SEMA4D: variants seen among roughly 807,000 people sequenced by gnomAD.
The protein encoded by SEMA4D is semaphorin 4D.
In SEMA4D, 22 loss-of-function variants were observed where a neutral mutation model predicts 74.8. The observed-to-expected ratio is 0.29, with a 90% CI of 0.21 to 0.42. The LOEUF (loss-of-function observed/expected upper bound fraction) is 0.42. Ranked by LOEUF, SEMA4D falls within the 10% of genes least tolerant of loss-of-function variation. SEMA4D has a pLI of 1.00. For synonymous variants in SEMA4D, 445 were observed against 463.7 expected, an observed-to-expected ratio of 0.96 and a Z score of 0.52; for missense variants, 937 against 1,118.4, an observed-to-expected ratio of 0.84 and a Z score of 2.31.
chr9:89,470,532 C>T lies in SEMA4D; in HGVS notation c.-309-14579G>A, dbSNP rs535457462. ...TGGCTGGTGAGACTGTAATATGGTA[C>T]CGCCACACTAGAAAAGACTTGGGCA... is the stretch of plus-strand genomic sequence containing the variant. On this transcript the variant is annotated intron_variant, in intron 1 of 15. Transcript: ENST00000422704. Among the ~76,000 whole-genome samples, 22 of 152,244 alleles carry T rather than the reference C, an allele frequency of 1.4e-4. No individual in the cohort carries two copies. The South Asian group carries it at 4.1e-3, about 29-fold the overall frequency.
intron 2 of SEMA4D, among the ~76,000 whole-genome samples, chr9:89,426,983 C>T (rs898042061): frequency 6.6e-6 from 1 of 152,168 alleles, no homozygotes; most frequent in Non-Finnish European, 1.5e-5. Context: ...CAGCGAGTTC[C>T]CCCTTTGCCA....
rs1029754382 is a variant in SEMA4D at position 89,403,134 on chromosome 9, T to A, written c.107-118A>T. On this transcript the variant is annotated intron_variant, in intron 3 of 15. Transcript: ENST00000422704. ...TGACAATGAGCACGTCTGGGTGCAG[T>A]CATGTCTCGAGGGCCATGTGTTGCT... The A allele has an allele frequency of 2.2e-5, 27 of 1,229,208 alleles. No homozygotes were observed. In the African/African-American group the frequency reaches 4.0e-4, roughly 18 times the overall value. The allele number at this position is 1,229,208 out of a possible 1,614,324, so 76.1% of individuals were successfully genotyped here.
intron 5 of SEMA4D, among the ~76,000 whole-genome samples, chr9:89,397,082 A>AC (rs1383811351): frequency 1.3e-5 from 2 of 151,772 alleles, no homozygotes; most frequent in East Asian, 3.9e-4. Context: ...CCCCAACCCC[A>AC]CCCCTAGGCA....
At chr9:89,413,048 G>A (rs1844877376) in intron 2 of SEMA4D, among the ~76,000 whole-genome samples, 2 of 152,118 alleles carry the variant, frequency 1.3e-5, no homozygotes, top group South Asian at 2.1e-4. Context: ...GGCTTTCTTC[G>A]CCATTTCTGA....
intron 2 of SEMA4D, among the ~76,000 whole-genome samples, chr9:89,408,142 A>T (rs1465109349): frequency 6.6e-6 from 1 of 152,284 alleles, no homozygotes; most frequent in African/African-American, 2.4e-5. Context: ...CAAAGTTGTG[A>T]GAATTATCTG....
At chr9:89,473,297 GGGCACA>G (rs560374713) in intron 1 of SEMA4D, among the ~76,000 whole-genome samples, 132 of 152,216 alleles carry the variant, frequency 8.7e-4, no homozygotes, top group African/African-American at 3.0e-3. Flanking sequence ...AGCAAAGGCT[GGGCACA>G]GGGTCTGACG....
At chr9:89,485,814 A>G (rs1825155409) in intron 1 of SEMA4D, among the ~76,000 whole-genome samples, 4 of 93,594 alleles carry the variant, frequency 4.3e-5, no homozygotes, top group African/African-American at 3.5e-5. Context: ...AAAAAAAAAA[A>G]GAAAAAAAAA....
intron 5 of SEMA4D, among the ~76,000 whole-genome samples, chr9:89,397,555 C>T (rs1343836191): frequency 2.6e-5 from 4 of 152,214 alleles, no homozygotes; most frequent in Non-Finnish European, 4.4e-5. Context: ...GCTAAAAGTA[C>T]TTGCGTTACA....
At chr9:89,387,720 G>T in intron 11 of SEMA4D, 112 bp from the exon 12 acceptor site, 1 of 827,664 alleles carries the variant, frequency 1.2e-6, no homozygotes, top group Non-Finnish European at 2.0e-6. Flanking sequence ...ACCACACAAT[G>T]CATGCCTTGA....
At chr9:89,446,569 G>A (rs762744400) in intron 2 of SEMA4D, among the ~76,000 whole-genome samples, 18 of 152,160 alleles carry the variant, frequency 1.2e-4, no homozygotes, top group Non-Finnish European at 1.8e-4. Context: ...GGCCTCTCTC[G>A]GGCCACCAAG....
chr9:89,378,126 T>G lies in SEMA4D; in HGVS notation c.*578A>C, dbSNP rs1836156674. 1 of 152,292 alleles carries G rather than the reference T, an allele frequency of 6.6e-6. No homozygotes were observed. The highest frequency in any genetic ancestry group is 2.1e-4 in the South Asian group (1 of 4,802). The allele number at this position is 152,292 out of a possible 1,614,324, so 9.4% of individuals were successfully genotyped here. ...ATTTTATGCCAAATATATAACAAAA[T>G]CTGGAAGATATACATCTTCTTCTAA... is the stretch of plus-strand genomic sequence containing the variant. On this transcript the variant is annotated 3_prime_UTR_variant, in exon 16 of 16. Transcript: ENST00000422704.
intron 5 of SEMA4D, among the ~76,000 whole-genome samples, chr9:89,398,248 C>G (rs1010620269): frequency 6.6e-6 from 1 of 152,122 alleles, no homozygotes; most frequent in African/African-American, 2.4e-5. Context: ...AGAGCCCAGA[C>G]TCAGTTGATA....
chr9:89,364,034 C>T (rs1833183933), intron 16 of SEMA4D: 1 of 1,610,972 alleles, frequency 6.2e-7, no homozygotes, highest in African/African-American at 1.3e-5. Context: ...GGGGTTACCT[C>T]TGCTGTCCCA....
chr9:89,391,960 T>A (rs1266848086), intron 8 of SEMA4D, among the ~76,000 whole-genome samples: 12 of 152,152 alleles, frequency 7.9e-5, no homozygotes, highest in Admixed American at 7.9e-4. Context: ...ACCAGCTTCT[T>A]CCTGCACATT....
chr9:89,389,972 C>T (rs1344551222), intron 9 of SEMA4D, among the ~76,000 whole-genome samples: 1 of 152,086 alleles, frequency 6.6e-6, no homozygotes, highest in African/African-American at 2.4e-5. Context: ...TCAAACCACC[C>T]TAGTCCAGGA....
chr9:89,377,213 G>A (rs562010066), downstream of SEMA4D: 386 of 1,017,714 alleles, frequency 3.8e-4, 3 homozygotes, highest in South Asian at 8.3e-3. Flanking sequence ...CACAGCCTCC[G>A]CTAAGGAATG....
intron 2 of SEMA4D, among the ~76,000 whole-genome samples, chr9:89,443,075 C>T (rs1487595999): frequency 2.6e-5 from 4 of 152,142 alleles, no homozygotes; most frequent in Non-Finnish European, 4.4e-5. Context: ...GGACTGAAGC[C>T]TCCCAGGAGG....
rs180927467 is a variant in SEMA4D at position 89,445,800 on chromosome 9, G to A, written c.-244+10088C>T. 7.9e-5 allele frequency among the ~76,000 whole-genome samples: 12 copies of A among 152,136 alleles called. No individual in the cohort carries two copies. The East Asian group carries it at 2.1e-3, about 27-fold the overall frequency. ...GGGTGAGGCCAACTCACTCTGGGGA[G>A]GGCCACCTCCTACCCCACCTTCTAC... On this transcript the variant is annotated intron_variant, in intron 2 of 15. Coordinates refer to ENST00000422704, the MANE Select transcript of SEMA4D (RefSeq NM_001371194.2).
chr9:89,473,264 A>T (rs912051809), intron 1 of SEMA4D, among the ~76,000 whole-genome samples: 1 of 152,168 alleles, frequency 6.6e-6, no homozygotes, highest in Non-Finnish European at 1.5e-5. Context: ...CTCCATTCGG[A>T]GCTGACCCAA....
Sources: gnomAD v4.1 joint callset for allele counts (sites outside exome capture counted in the v4.1 genomes callset) on GRCh38, gnomAD v4.1.1 for gene constraint, MANE v1.5 for transcripts, NCBI Gene and HGNC (gene_info 2026-07-23, HGNC 2026-07-21) for gene names.